APELA: variants seen among roughly 807,000 people sequenced by gnomAD.
APELA encodes the protein apelin receptor early endogenous ligand.
At chr4:164,881,675 T>G (rs1330165088) in intron 2 of APELA, among the ~76,000 whole-genome samples, 1 of 152,002 alleles carries the variant, frequency 6.6e-6, no homozygotes, top group Admixed American at 6.6e-5. Context: ...GGTCGCGACT[T>G]AAGGCTGGAA....
At chr4:164,894,371 C>T (rs1164812071) in intron 2 of APELA, among the ~76,000 whole-genome samples, 3 of 152,000 alleles carry the variant, frequency 2.0e-5, no homozygotes, top group Non-Finnish European at 1.5e-5. Context: ...CTATTTTTTA[C>T]AAAACACACA....
intron 2 of APELA, among the ~76,000 whole-genome samples, chr4:164,879,980 T>C (rs1730627738): frequency 6.6e-6 from 1 of 152,234 alleles, no homozygotes; most frequent in African/African-American, 2.4e-5. Context: ...GTAATACTGC[T>C]TGAATCAGTT....
intron 2 of APELA, among the ~76,000 whole-genome samples, chr4:164,894,683 G>A (rs1044300062): frequency 6.6e-6 from 1 of 152,118 alleles, no homozygotes; most frequent in African/African-American, 2.4e-5. Flanking sequence ...AGGATTATAG[G>A]CGTGAGCCAC....
intron 2 of APELA, among the ~76,000 whole-genome samples, chr4:164,883,490 CTTTT>C (rs397945999): frequency 7.1e-6 from 1 of 140,856 alleles, no homozygotes; most frequent in Non-Finnish European, 1.5e-5. Flanking sequence ...CTTTCTTTTT[CTTTT>C]TTTTTTTTTT....
At chr4:164,889,697 T>C (rs755245066) in intron 2 of APELA, among the ~76,000 whole-genome samples, 4 of 152,168 alleles carry the variant, frequency 2.6e-5, no homozygotes, top group Non-Finnish European at 5.9e-5. Flanking sequence ...TGAATGACAC[T>C]GTAGTCCAGT....
At chr4:164,885,556 C>A (rs1436080302) in intron 2 of APELA, among the ~76,000 whole-genome samples, 1 of 152,012 alleles carries the variant, frequency 6.6e-6, no homozygotes, top group Admixed American at 6.6e-5. Context: ...GCCTGACCAA[C>A]ACAGTGAAAT....
At position 164,884,159 on chromosome 4, in the gene APELA, GGAGA is replaced by G. The variant is rs1313309541; in HGVS notation, c.*1+5151_*1+5154del. 2.5e-3 allele frequency among the ~76,000 whole-genome samples: 354 copies of G among 141,600 alleles called. 4 individuals are homozygous for G. Among genetic ancestry groups the G allele is most frequent in the African/African-American group, 8.5e-3 (315 of 36,984 alleles). 92.9% of individuals were successfully genotyped at this position (141,600 alleles called of 152,430 possible). A position where few individuals can be genotyped will look rare whatever the true frequency, so the allele number is the denominator to read the frequency against. The stretch of plus-strand genomic sequence containing the variant: ...AGAAAGAAAGAAAGAAAGAAAGAAA[GGAGA>G]AGAGAAAGAAAGGAGAGAAGAAAGA... On this transcript the variant is annotated intron_variant, in intron 2 of 2. Transcript: ENST00000507152.
At chr4:164,898,159 G>A (rs1276165457), downstream of APELA, among the ~76,000 whole-genome samples, 2 of 151,742 alleles carry the variant, frequency 1.3e-5, no homozygotes, top group African/African-American at 4.8e-5. Flanking sequence ...CCAAAATGCT[G>A]GGATTACAGG....
At chr4:164,879,551 C>T (rs1303758870) in intron 2 of APELA, among the ~76,000 whole-genome samples, 1 of 151,966 alleles carries the variant, frequency 6.6e-6, no homozygotes, top group Admixed American at 6.6e-5. Context: ...CTCAAGTGAT[C>T]CTCCCACCTC....
chr4:164,888,107 T>C (rs1289702380), intron 2 of APELA, among the ~76,000 whole-genome samples: 3 of 152,162 alleles, frequency 2.0e-5, no homozygotes, highest in Non-Finnish European at 1.5e-5. Flanking sequence ...AAAATGTATC[T>C]CTACTCTCTC....
In APELA at chr4:164,890,308, T is replaced by G. The variant is rs141183177; in HGVS notation, c.*2-5108T>G. On this transcript the variant is annotated intron_variant, in intron 2 of 2. Coordinates refer to ENST00000507152, the MANE Select transcript of APELA (RefSeq NM_001297550.2). ...GTGTACAATTTAATGGCTTTTACTA[T>G]ATTCCTAAGTTGTGCAACCATCACC... Among the ~76,000 whole-genome samples, 35 of 152,282 alleles carry G rather than the reference T, an allele frequency of 2.3e-4. No homozygotes were observed. In the South Asian group the frequency reaches 7.0e-3, roughly 31 times the overall value.
rs144489918 is a variant in APELA, at chr4:164,897,103, G to A, written c.*1689G>A. On this transcript the variant is annotated 3_prime_UTR_variant, in exon 3 of 3. Transcript: ENST00000507152. ...CCACAAGTTCATATCTGGAGTAGAA[G>A]TTTTACTTTGTAAATATTATAAAGT... The A allele has an allele frequency of 1.4e-4, 22 of 152,184 alleles. No homozygotes were observed. Among genetic ancestry groups the A allele is most frequent in the Middle Eastern group, 3.4e-3 (1 of 294 alleles). 9.4% of individuals were successfully genotyped at this position (152,184 alleles called of 1,614,324 possible).
intron 2 of APELA, among the ~76,000 whole-genome samples, chr4:164,884,121 G>GAGAAAGAAAGAAAGAA (rs375419662): frequency 0.033 from 3,764 of 113,262 alleles, 90 homozygotes; most frequent in African/African-American, 0.063. Flanking sequence ...AAGAAAGAAA[G>GAGAAAGAAAGAAAGAA]AGAAAGAAAG....
At chr4:164,878,359 T>G (rs955490431) in intron 1 of APELA, among the ~76,000 whole-genome samples, 14 of 152,186 alleles carry the variant, frequency 9.2e-5, no homozygotes, top group Admixed American at 7.9e-4. Flanking sequence ...CATCACTTGT[T>G]AAAAATTCAG....
rs1267203856 is a variant in APELA at position 164,895,807 on chromosome 4, T to C, written c.*393T>C. On this transcript the variant is annotated 3_prime_UTR_variant, in exon 3 of 3. Coordinates refer to ENST00000507152, the MANE Select transcript of APELA (RefSeq NM_001297550.2). ...AAATGTTGCTTTCATATTCCTATAATTCTCCAAAAGTATTAAATTCGTATA... is the reference window on the plus strand; with the variant it reads ...AAATGTTGCTTTCATATTCCTATAACTCTCCAAAAGTATTAAATTCGTATA... The C allele has an allele frequency of 2.0e-5, 3 of 152,228 alleles. No homozygotes were observed. The highest frequency in any genetic ancestry group is 4.4e-5 in the Non-Finnish European group (3 of 68,042). The allele number at this position is 152,228 out of a possible 1,614,324, so 9.4% of individuals were successfully genotyped here.
chr4:164,878,132 T>A (rs1446953388), intron 1 of APELA, among the ~76,000 whole-genome samples: 3 of 120,012 alleles, frequency 2.5e-5, no homozygotes, highest in Non-Finnish European at 5.2e-5. Context: ...AACCAGTAAG[T>A]TTGAAAAAAA....
chr4:164,887,313 G>A (rs569510058), intron 2 of APELA, among the ~76,000 whole-genome samples: 6 of 151,864 alleles, frequency 4.0e-5, no homozygotes, highest in African/African-American at 9.7e-5. Context: ...TTGGTATTAC[G>A]GAAGACATGG....
intron 2 of APELA, among the ~76,000 whole-genome samples, chr4:164,888,719 T>G (rs1281571972): frequency 6.6e-6 from 1 of 152,212 alleles, no homozygotes; most frequent in Non-Finnish European, 1.5e-5. Flanking sequence ...TTGCTTCTCT[T>G]TTATCCATTC....
At position 164,890,200 on chromosome 4, in the gene APELA, C is replaced by G. The variant is rs571580584; in HGVS notation, c.*2-5216C>G. Among the ~76,000 whole-genome samples, 41 of 152,276 alleles carry G rather than the reference C, an allele frequency of 2.7e-4. No homozygotes were observed. In the South Asian group the frequency reaches 8.3e-3, roughly 31 times the overall value. Reference sequence around the variant, plus strand: ...TGTACACTTATTTTCTTGCAAAATACTCCTAGAAGTGGAATTATGAGGATA... The same window carrying G: ...TGTACACTTATTTTCTTGCAAAATAGTCCTAGAAGTGGAATTATGAGGATA... On this transcript the variant is annotated intron_variant, in intron 2 of 2. Transcript: ENST00000507152.
Sources: allele counts gnomAD v4.1 joint callset (sites outside exome capture counted in the v4.1 genomes callset), GRCh38; gene constraint gnomAD v4.1.1; transcripts MANE v1.5; gene names NCBI Gene and HGNC (gene_info 2026-07-23, HGNC 2026-07-21).